The following MAST1 variants were observed in gnomAD, a reference collection of about 807,000 sequenced individuals.
The protein encoded by MAST1 is microtubule associated serine/threonine kinase 1, also known as microtubule-associated serine/threonine-protein kinase 1.
In MAST1, 40 loss-of-function variants were observed where a neutral mutation model predicts 124.6. That is an observed-to-expected ratio of 0.32 (90% confidence interval 0.25 to 0.42). The LOEUF is 0.42. MAST1 is among the 10% of genes least tolerant of loss of function. The pLI is 1.00. For synonymous variants in MAST1, 938 were observed against 939.4 expected (o/e 1.00, Z 0.03); for missense variants, 1,558 against 2,181.9 (o/e 0.71, Z 5.70).
chr19:12,867,503 G>A lies in MAST1; in HGVS notation c.2169G>A (p.Gln723=). 2 of 1,613,736 alleles carry A rather than the reference G, an allele frequency of 1.2e-6. No homozygotes were observed. Among genetic ancestry groups the A allele is most frequent in the Non-Finnish European group, 1.7e-6 (2 of 1,180,004 alleles). The change falls in exon 19 of 26, where the codon CAG becomes CAA. Residue 723 remains glutamine, a synonymous_variant. Coordinates refer to ENST00000251472, the MANE Select transcript of MAST1 (RefSeq NM_014975.3). ...KVYSSMEQLS[Q]HEPKTPVAAA... ...ATAGCAGCATGGAGCAGCTGTCGCA[G>A]CACGAGCCCAAGACCCCAGTAGCAG...
At chr19:12,839,921 T>A (rs556154468) in intron 1 of MAST1, among the ~76,000 whole-genome samples, 88 of 151,922 alleles carry the variant, frequency 5.8e-4, no homozygotes, top group South Asian at 1.7e-3. Flanking sequence ...AGAAAAAAAA[T>A]AATAATAATA....
intron 25 of MAST1, 21 bp from the exon 26 acceptor site, chr19:12,873,588 T>C (rs1970269257): frequency 6.3e-7 from 1 of 1,579,434 alleles, no homozygotes; most frequent in East Asian, 2.3e-5. Context: ...ACTCACTCGC[T>C]TCACCTCCTG....
rs1233055292 is a variant in MAST1, at chr19:12,866,505, G to A, written c.2030-148G>A. On this transcript the variant is annotated intron_variant, in intron 17 of 25. Transcript: ENST00000251472. This position sits in a 1 kb window ranked among gnomAD's most constrained non-coding sequence, Gnocchi z 5.2. Reference sequence around the variant, plus strand: ...GGGGCAAGGACCTTGCCTGGGAGCGGAGCCTAAATTAAATACACTAATGAG... The same window carrying A: ...GGGGCAAGGACCTTGCCTGGGAGCGAAGCCTAAATTAAATACACTAATGAG... 3.2e-6 allele frequency: 2 copies of A among 627,234 alleles called. No individual in the cohort carries two copies. The highest frequency in any genetic ancestry group is 5.7e-6 in the Non-Finnish European group (2 of 351,726). The allele number at this position is 627,234 out of a possible 1,614,324, so 38.9% of individuals were successfully genotyped here.
chr19:12,855,651 CACATACCTTTCCTTT>C (rs1380937495), intron 10 of MAST1, among the ~76,000 whole-genome samples: 2 of 152,112 alleles, frequency 1.3e-5, no homozygotes, highest in African/African-American at 2.4e-5. Context: ...CAGATATATA[CACATACCTTTCCTTT>C]ATGTATATAT....
At chr19:12,855,759 T>TA (rs919593058) in intron 10 of MAST1, among the ~76,000 whole-genome samples, 2 of 152,134 alleles carry the variant, frequency 1.3e-5, no homozygotes, top group African/African-American at 4.8e-5. Flanking sequence ...TCTAAAACTC[T>TA]AAAAAAAGGT....
At chr19:12,870,986 G>C in intron 23 of MAST1, 40 bp downstream of exon 23, 2 of 1,613,598 alleles carry the variant, frequency 1.2e-6, no homozygotes, top group Non-Finnish European at 1.7e-6. Context: ...GGAGGGTGGG[G>C]GAGGCCTGAG....
chr19:12,843,132 ATG>A lies in MAST1; in HGVS notation c.249-395_249-394del, dbSNP rs1471355683. Among the ~76,000 whole-genome samples, 4 of 152,134 alleles carry A rather than the reference ATG, an allele frequency of 2.6e-5. No homozygotes were observed. Among genetic ancestry groups the A allele is most frequent in the African/African-American group, 7.2e-5 (3 of 41,440 alleles). ...AGGACACAATATTCTATGTCAGAAC[ATG>A]TTGGGGGGTGGGACGGGTCTTTTTT... On this transcript the variant is annotated intron_variant, in intron 3 of 25. Coordinates refer to ENST00000251472, the MANE Select transcript of MAST1 (RefSeq NM_014975.3). This position sits in a 1 kb window ranked among gnomAD's most constrained non-coding sequence, Gnocchi z 4.9.
rs528783072 is a variant in MAST1, at chr19:12,843,345, C to T, written c.249-184C>T. ...GTGGAGACGGATCCTCCCTCCAATT[C>T]CCGGTGCCTGCCTGGAAGAGTCCCT... On this transcript the variant is annotated intron_variant, in intron 3 of 25. Transcript: ENST00000251472. This position sits in a 1 kb window ranked among gnomAD's most constrained non-coding sequence, Gnocchi z 4.9. Among the ~76,000 whole-genome samples, 1 of 152,142 alleles carries T rather than the reference C, an allele frequency of 6.6e-6. No individual in the cohort carries two copies. Among genetic ancestry groups the T allele is most frequent in the South Asian group, 2.1e-4 (1 of 4,814 alleles).
Position 12,865,614 on chromosome 19 carries a change from C to G in MAST1, c.1805-103C>G, listed in dbSNP as rs1970142128. ...CTCAGGAGGTCAAGGCTGCAGTGAG[C>G]CATGATCGTGCCACTGCACTCCAGC... On this transcript the variant is annotated intron_variant, in intron 15 of 25. Transcript: ENST00000251472. This position sits in a 1 kb window ranked among gnomAD's most constrained non-coding sequence, Gnocchi z 7.1. The G allele has an allele frequency of 2.8e-6, 4 of 1,441,194 alleles. No individual in the cohort carries two copies. In the Admixed American group the frequency reaches 5.8e-5, roughly 21 times the overall value. The allele number at this position is 1,441,194 out of a possible 1,614,324, so 89.3% of individuals were successfully genotyped here.
At chr19:12,851,805 G>A (rs1156483562) in intron 7 of MAST1, 129 bp from the exon 8 acceptor site, 9 of 683,272 alleles carry the variant, frequency 1.3e-5, no homozygotes, top group Non-Finnish European at 2.2e-5. Context: ...TTACTGTGTG[G>A]CTTGGGCTTC....
Position 12,847,766 on chromosome 19 carries a change from G to A in MAST1, c.564+79G>A. ...TCGCCTTATCCCCGCGCGCCCCCTG[G>A]CGGCCTCGGTGCGCAGCGCAGGCTC... is the stretch of plus-strand genomic sequence containing the variant. On this transcript the variant is annotated intron_variant, in intron 6 of 25. Coordinates refer to ENST00000251472, the MANE Select transcript of MAST1 (RefSeq NM_014975.3). The surrounding 1 kb of genome is among the most constrained non-coding windows in gnomAD (Gnocchi z 5.5). The A allele has an allele frequency of 6.3e-7, 1 of 1,585,572 alleles. No homozygotes were observed. The highest frequency in any genetic ancestry group is 8.6e-7 in the Non-Finnish European group (1 of 1,162,974).
chr19:12,838,723 G>T lies in MAST1; in HGVS notation c.83+68G>T. The T allele has an allele frequency of 7.1e-7, 1 of 1,405,252 alleles. No homozygotes were observed. The highest frequency in any genetic ancestry group is 9.8e-7 in the Non-Finnish European group (1 of 1,025,510). 87.0% of individuals were successfully genotyped at this position (1,405,252 alleles called of 1,614,324 possible). A position where few individuals can be genotyped will look rare whatever the true frequency, so the allele number is the denominator to read the frequency against. ...AAAAGCCGCCGCTCCGGGTACTGCT[G>T]CAGGGCGGGGCCCGGGATGCTGCGC... On this transcript the variant is annotated intron_variant, in intron 1 of 25. Transcript: ENST00000251472. The surrounding 1 kb of genome is among the most constrained non-coding windows in gnomAD (Gnocchi z 4.3).
At chr19:12,858,482 G>T in intron 11 of MAST1, 41 bp downstream of exon 11, 1 of 1,612,028 alleles carries the variant, frequency 6.2e-7, no homozygotes, top group Non-Finnish European at 8.5e-7. Flanking sequence ...GGTGGCGGAG[G>T]CCGGGTGTCT....
chr19:12,847,955 C>T lies in MAST1; in HGVS notation c.672C>T (p.Ile224=). ...DGVLSFIHHQ[I]IELARDCLTK... ...TGCTCAGCTTCATCCACCACCAGAT[C>T]ATCGAGCTGGCCCGGGACTGCCTGA... Residue 224 remains isoleucine, a synonymous_variant, in exon 7 of 26, where the codon ATC becomes ATT. Coordinates refer to ENST00000251472, the MANE Select transcript of MAST1 (RefSeq NM_014975.3). This position sits in a 1 kb window ranked among gnomAD's most constrained non-coding sequence, Gnocchi z 5.5. The T allele has an allele frequency of 1.2e-6, 2 of 1,614,138 alleles. No homozygotes were observed. The highest frequency in any genetic ancestry group is 1.1e-5 in the South Asian group (1 of 91,046).
At chr19:12,857,440 C>G in intron 10 of MAST1, among the ~76,000 whole-genome samples, 1 of 147,056 alleles carries the variant, frequency 6.8e-6, no homozygotes, top group African/African-American at 2.5e-5. Flanking sequence ...GAGACAGAGT[C>G]TCGCTCTGTC....
At chr19:12,867,040 G>A (rs1345372845) in intron 18 of MAST1, among the ~76,000 whole-genome samples, 3 of 152,166 alleles carry the variant, frequency 2.0e-5, no homozygotes, top group Non-Finnish European at 4.4e-5. Flanking sequence ...GGGTCAGGAC[G>A]TGGGAATGAG....
chr19:12,863,158 C>CAAAAAAA (rs749539925), intron 12 of MAST1, among the ~76,000 whole-genome samples: 4 of 44,122 alleles, frequency 9.1e-5, no homozygotes, highest in Non-Finnish European at 1.3e-4. Flanking sequence ...GACTCTGACT[C>CAAAAAAA]AAAAAAAAAA....
In MAST1 at chr19:12,874,454, CT is replaced by C. The variant is rs1970287406; in HGVS notation, c.4298del (p.Leu1433ArgfsTer6). On this transcript the variant is annotated frameshift_variant, in exon 26 of 26. Coordinates refer to ENST00000251472, the MANE Select transcript of MAST1 (RefSeq NM_014975.3). LOFTEE classifies it low-confidence loss of function (END_TRUNC). This position sits in a 1 kb window ranked among gnomAD's most constrained non-coding sequence, Gnocchi z 6.6. ...RSSSGEAGTPLVPIVVEPARP... is the reference protein window; with the variant it reads ...RSSSGEAGTPXVPIVVEPARP... ...CAGCTCTGGCGAGGCGGGCACACCC[CT>C]GGTACCCATTGTCGTAGAGCCTGCG... 6.3e-7 allele frequency: 1 copy of C among 1,594,526 alleles called. No homozygotes were observed. The highest frequency in any genetic ancestry group is 8.5e-7 in the Non-Finnish European group (1 of 1,177,036).
rs540488398 is a variant in MAST1, at chr19:12,845,411, C to CAAAA, written c.327+1824_327+1827dup. Reference sequence around the variant, plus strand: ...GCAACGTGATGAAACCCTGTTTCTACAAAAAAAAAAAAAAAAAAAAAAATT... The same window carrying CAAAA: ...GCAACGTGATGAAACCCTGTTTCTACAAAAAAAAAAAAAAAAAAAAAAAAAAATT... On this transcript the variant is annotated intron_variant, in intron 4 of 25. Transcript: ENST00000251472. Among the ~76,000 whole-genome samples the CAAAA allele has an allele frequency of 3.6e-4, 25 of 69,108 alleles. 1 individual carries two copies. The highest frequency in any genetic ancestry group is 1.4e-3 in the African/African-American group (22 of 16,110). The allele number at this position is 69,108 out of a possible 152,430, so 45.3% of individuals were successfully genotyped here. A position where few individuals can be genotyped will look rare whatever the true frequency, so the allele number is the denominator to read the frequency against.
Sources: gnomAD v4.1 joint callset for allele counts (sites outside exome capture counted in the v4.1 genomes callset) on GRCh38, gnomAD v4.1.1 for gene constraint, Gnocchi (gnomAD v3.1) non-coding constraint, MANE v1.5 for transcripts, NCBI Gene and HGNC (gene_info 2026-07-23, HGNC 2026-07-21) for gene names.